SLC23A2: variants seen among roughly 807,000 people sequenced by gnomAD.
SLC23A2 encodes solute carrier family 23 member 2.
In SLC23A2, 36 loss-of-function variants were observed where a neutral mutation model predicts 73.3. The observed-to-expected ratio is 0.49, with a 90% confidence interval of 0.38 to 0.65. SLC23A2 has a LOEUF of 0.65. Among genes scored for constraint, SLC23A2 ranks in the 30% least tolerant of loss-of-function variants. The probability of loss-of-function intolerance (pLI) is 0.00; values close to 1 mark genes in which losing one functional copy is unlikely to be tolerated. For synonymous variants in SLC23A2, 343 were observed against 327.3 expected, an observed-to-expected ratio of 1.05 and a Z score of -0.52; for missense variants, 507 against 841.6, an observed-to-expected ratio of 0.60 and a Z score of 4.92.
intron 1 of SLC23A2, among the ~76,000 whole-genome samples, chr20:4,983,601 G>A (rs1415532262): frequency 3.4e-5 from 5 of 147,108 alleles, no homozygotes; most frequent in Middle Eastern, 3.7e-3. Flanking sequence ...AGCCGAGACC[G>A]CGCCACTGCA....
At chr20:4,881,617 T>C (rs1481063889) in intron 9 of SLC23A2, among the ~76,000 whole-genome samples, 1 of 152,230 alleles carries the variant, frequency 6.6e-6, no homozygotes, top group Non-Finnish European at 1.5e-5. Flanking sequence ...AGAGATCAGC[T>C]TTTAGATTTA....
intron 2 of SLC23A2, among the ~76,000 whole-genome samples, chr20:4,967,821 C>T (rs193130964): frequency 2.6e-5 from 4 of 152,298 alleles, no homozygotes; most frequent in African/African-American, 7.2e-5. Context: ...TCAACCAGAA[C>T]CATGCACCCA....
At chr20:4,866,809 T>A (rs982484462) in intron 13 of SLC23A2, among the ~76,000 whole-genome samples, 5 of 152,098 alleles carry the variant, frequency 3.3e-5, no homozygotes, top group Non-Finnish European at 5.9e-5. Flanking sequence ...CCTCCCAATT[T>A]GACAGAGGTC....
In SLC23A2 at chr20:4,857,748, T is replaced by C. The variant is rs920199033; in HGVS notation, c.1721-544A>G. Among the ~76,000 whole-genome samples the C allele has an allele frequency of 1.3e-5, 2 of 151,958 alleles. No individual in the cohort carries two copies. The highest frequency in any genetic ancestry group is 6.6e-5 in the Admixed American group (1 of 15,260). ...GAGTTCGAGACCAGCCTAGCCAACATGGTGAAATCCCGTCCCCACTCAAAA... is the reference window on the plus strand; with the variant it reads ...GAGTTCGAGACCAGCCTAGCCAACACGGTGAAATCCCGTCCCCACTCAAAA... On this transcript the variant is annotated intron_variant, in intron 16 of 16. Coordinates refer to ENST00000338244, the MANE Select transcript of SLC23A2 (RefSeq NM_005116.6). This position sits in a 1 kb window ranked among gnomAD's most constrained non-coding sequence, Gnocchi z 4.0.
At chr20:4,944,002 G>C (rs180927144) in intron 2 of SLC23A2, among the ~76,000 whole-genome samples, 255 of 152,274 alleles carry the variant, frequency 1.7e-3, no homozygotes, top group South Asian at 2.1e-3. Context: ...ATGGAGGAAA[G>C]GGCTCCCCAG....
upstream of SLC23A2, among the ~76,000 whole-genome samples, chr20:5,006,387 C>T (rs548235068): frequency 1.3e-5 from 2 of 151,660 alleles, no homozygotes; most frequent in Non-Finnish European, 2.9e-5. Flanking sequence ...CGTGAGCCAC[C>T]GTGCCCAGTC....
rs1930040362 is a variant in SLC23A2 at position 4,863,009 on chromosome 20, G to C, written c.1357-102C>G. On this transcript the variant is annotated intron_variant, in intron 13 of 16. Transcript: ENST00000338244. This position sits in a 1 kb window ranked among gnomAD's most constrained non-coding sequence, Gnocchi z 4.8. ...AGCAGAGATACCCATGGCCTGGCTC[G>C]CTACCTTCACCTCCTCCTCAGCCCA... is the stretch of plus-strand genomic sequence containing the variant. 8.4e-7 allele frequency: 1 copy of C among 1,191,032 alleles called. No homozygotes were observed. Among genetic ancestry groups the C allele is most frequent in the Admixed American group, 2.2e-5 (1 of 46,462 alleles). 73.8% of individuals were successfully genotyped at this position (1,191,032 alleles called of 1,614,324 possible).
intron 9 of SLC23A2, 141 bp from the exon 10 acceptor site, chr20:4,874,837 G>C: frequency 1.0e-5 from 6 of 599,056 alleles, no homozygotes; most frequent in Non-Finnish European, 1.4e-5. Flanking sequence ...ACTACCATTT[G>C]AGAAATAGTA....
At chr20:4,937,177 T>C (rs1048063907) in intron 2 of SLC23A2, among the ~76,000 whole-genome samples, 1 of 151,480 alleles carries the variant, frequency 6.6e-6, no homozygotes, top group South Asian at 2.1e-4. Flanking sequence ...ATGAGCGTGG[T>C]GTGTATAAAT....
chr20:4,914,415 TAGAG>T lies in SLC23A2; in HGVS notation c.109-1441_109-1438del, dbSNP rs1324787782. 5.9e-5 allele frequency among the ~76,000 whole-genome samples: 9 copies of T among 152,024 alleles called. No individual in the cohort carries two copies. In the South Asian group the frequency reaches 1.0e-3, roughly 18 times the overall value. ...AATTTTATTTTAAAAAAAACAAACTTAGAGGGAAACTTAAAAAACTGAACCAGGT... is the reference window on the plus strand; with the variant it reads ...AATTTTATTTTAAAAAAAACAAACTTGGAAACTTAAAAAACTGAACCAGGT... On this transcript the variant is annotated intron_variant, in intron 3 of 16. Transcript: ENST00000338244.
At chr20:4,978,166 C>T (rs1026239409) in intron 1 of SLC23A2, among the ~76,000 whole-genome samples, 19 of 152,032 alleles carry the variant, frequency 1.2e-4, no homozygotes, top group African/African-American at 4.6e-4. Flanking sequence ...AGGAGTAATG[C>T]CCCGATTTAC....
intron 6 of SLC23A2, among the ~76,000 whole-genome samples, chr20:4,896,325 G>A (rs1263977348): frequency 1.3e-5 from 2 of 152,140 alleles, no homozygotes; most frequent in East Asian, 1.9e-4. Flanking sequence ...TGCGGAGCAG[G>A]AGCCCCCACC....
At position 4,998,532 on chromosome 20, in the gene SLC23A2, A is replaced by G. The variant is rs2088061264; in HGVS notation, c.-282+2874T>C. The stretch of plus-strand genomic sequence containing the variant: ...AATGCACAGCTTAACCTGGAGGAGG[A>G]TGGTTCCCTACAGAAAGAATAAAAG... On this transcript the variant is annotated intron_variant, in intron 1 of 16. Transcript: ENST00000338244. This position sits in a 1 kb window ranked among gnomAD's most constrained non-coding sequence, Gnocchi z 4.1. 6.6e-6 allele frequency among the ~76,000 whole-genome samples: 1 copy of G among 152,096 alleles called. No homozygotes were observed. Among genetic ancestry groups the G allele is most frequent in the Non-Finnish European group, 1.5e-5 (1 of 68,016 alleles).
At chr20:5,003,783 C>T (rs1018951473), upstream of SLC23A2, among the ~76,000 whole-genome samples, 1 of 152,132 alleles carries the variant, frequency 6.6e-6, no homozygotes, top group African/African-American at 2.4e-5. Flanking sequence ...CCTGCCATCA[C>T]CCCTCAGGCA....
In SLC23A2 at chr20:4,857,228, C is replaced by G; in HGVS notation, c.1721-24G>C. 7.2e-7 allele frequency: 1 copy of G among 1,379,404 alleles called. No homozygotes were observed. The highest frequency in any genetic ancestry group is 1.0e-6 in the Non-Finnish European group (1 of 1,000,060). 85.4% of individuals were successfully genotyped at this position (1,379,404 alleles called of 1,614,324 possible). ...GCCTGTCACACATCCCAAGATAGAA[C>G]AAAGGAATGCTTCGTTTAGCAGCTC... On this transcript the variant is annotated intron_variant, in intron 16 of 16. Transcript: ENST00000338244. This position sits in a 1 kb window ranked among gnomAD's most constrained non-coding sequence, Gnocchi z 4.0.
intron 4 of SLC23A2, among the ~76,000 whole-genome samples, chr20:4,909,912 GTTTAT>G (rs1235580966): frequency 1.3e-5 from 2 of 152,166 alleles, no homozygotes; most frequent in Non-Finnish European, 2.9e-5. Flanking sequence ...CAGAAGACAA[GTTTAT>G]TTTATCTTGT....
At position 4,911,383 on chromosome 20, in the gene SLC23A2, C is replaced by A. The variant is rs575357645; in HGVS notation, c.207+1497G>T. On this transcript the variant is annotated intron_variant, in intron 4 of 16. Transcript: ENST00000338244. Reference sequence around the variant, plus strand: ...AAAAATGAAATTTCCATATCCCAGACTGGAATTTTGTTTAAAAGGGCATAA... The same window carrying A: ...AAAAATGAAATTTCCATATCCCAGAATGGAATTTTGTTTAAAAGGGCATAA... Among the ~76,000 whole-genome samples the A allele has an allele frequency of 3.3e-4, 50 of 152,272 alleles. 1 individual carries two copies. Among genetic ancestry groups the A allele is most frequent in the Admixed American group, 6.5e-4 (10 of 15,298 alleles).
chr20:4,929,453 G>A (rs374914350), intron 3 of SLC23A2, among the ~76,000 whole-genome samples: 201 of 152,246 alleles, frequency 1.3e-3, no homozygotes, highest in African/African-American at 4.2e-3. Context: ...TGGCAACCCT[G>A]GGGAAGACAA....
chr20:4,858,312 C>T (rs1185615903), intron 16 of SLC23A2, among the ~76,000 whole-genome samples: 2 of 152,068 alleles, frequency 1.3e-5, no homozygotes, highest in Non-Finnish European at 2.9e-5. Context: ...AAGCTCATGA[C>T]TTTTTTTTAT....
Sources: gnomAD v4.1 joint callset for allele counts (sites outside exome capture counted in the v4.1 genomes callset) on GRCh38, gnomAD v4.1.1 for gene constraint, Gnocchi (gnomAD v3.1) non-coding constraint, MANE v1.5 for transcripts, NCBI Gene and HGNC (gene_info 2026-07-23, HGNC 2026-07-21) for gene names.